The following DENND1B variants were observed in gnomAD, a reference collection of about 807,000 sequenced individuals.
DENND1B encodes the protein DENN domain-containing protein 1B.
Under a neutral mutation model 90.1 loss-of-function variants are expected in DENND1B, and 59 were observed. The observed-to-expected ratio is 0.65, with a 90% CI of 0.53 to 0.81. The LOEUF is 0.81. Among genes scored for constraint, DENND1B ranks in the 40% least tolerant of loss-of-function variants. DENND1B has a pLI of 0.00. For synonymous variants in DENND1B, 337 were observed against 324.6 expected, an observed-to-expected ratio of 1.04 and a Z score of -0.41; for missense variants, 862 against 912.6, an observed-to-expected ratio of 0.94 and a Z score of 0.71.
At chr1:197,743,562 A>G (rs770219965) in intron 2 of DENND1B, among the ~76,000 whole-genome samples, 8 of 152,168 alleles carry the variant, frequency 5.3e-5, no homozygotes, top group Non-Finnish European at 1.0e-4. Flanking sequence ...TGGCTGTGGA[A>G]TTTCTTAAAA....
chr1:197,575,858 C>T (rs1558261089), intron 15 of DENND1B, among the ~76,000 whole-genome samples: 1 of 152,192 alleles, frequency 6.6e-6, no homozygotes. Context: ...TGCATGTTCT[C>T]ACTCATAGGT....
intron 2 of DENND1B, among the ~76,000 whole-genome samples, chr1:197,764,393 C>T (rs1389984588): frequency 4.6e-5 from 7 of 152,144 alleles, no homozygotes; most frequent in Non-Finnish European, 1.0e-4. Flanking sequence ...GAAGCCTAAT[C>T]AGAGAAAATA....
At chr1:197,575,680 C>T (rs924261179) in intron 15 of DENND1B, among the ~76,000 whole-genome samples, 1 of 152,186 alleles carries the variant, frequency 6.6e-6, no homozygotes, top group African/African-American at 2.4e-5. Flanking sequence ...TTGGAAACAA[C>T]CCAAATGTCC....
chr1:197,538,656 ATTTTTTT>A (rs67761711), intron 20 of DENND1B, among the ~76,000 whole-genome samples: 15 of 105,870 alleles, frequency 1.4e-4, no homozygotes, highest in Admixed American at 6.9e-4. Flanking sequence ...AATTAATGGG[ATTTTTTT>A]TTTTTTTTTT....
At chr1:197,608,717 T>C (rs545259533) in intron 12 of DENND1B, among the ~76,000 whole-genome samples, 6 of 150,704 alleles carry the variant, frequency 4.0e-5, no homozygotes, top group East Asian at 2.0e-4. Flanking sequence ...GATAAAGCTA[T>C]GTGCCCCCAA....
At chr1:197,544,901 GAAAGAAGAAGAAAAGAAGAAGAAAA>G (rs1171877668) in intron 18 of DENND1B, among the ~76,000 whole-genome samples, 27 of 143,794 alleles carry the variant, frequency 1.9e-4, no homozygotes, top group African/African-American at 2.5e-4. Flanking sequence ...AGAAGAAGAA[GAAAGAAGAAGAAAAGAAGAAGAAAA>G]GAGAAGAAGA....
At chr1:197,775,619 A>AC (rs1657221838), upstream of DENND1B, 1 of 153,696 alleles carries the variant, frequency 6.5e-6, no homozygotes, top group South Asian at 2.1e-4. Context: ...CAGAGGGTGC[A>AC]GGGGGAGCGC....
At chr1:197,552,333 T>G in intron 16 of DENND1B, 1 of 985,324 alleles carries the variant, frequency 1.0e-6, no homozygotes, top group Non-Finnish European at 1.2e-6. Flanking sequence ...ACTCAGCAAA[T>G]AATGAATGAA....
chr1:197,625,815 G>C (rs1678648901), intron 10 of DENND1B, among the ~76,000 whole-genome samples: 1 of 152,054 alleles, frequency 6.6e-6, no homozygotes, highest in African/African-American at 2.4e-5. Flanking sequence ...CAAAATAAAA[G>C]GATGGAGGAA....
At chr1:197,709,775 C>G (rs1414070472) in intron 3 of DENND1B, among the ~76,000 whole-genome samples, 1 of 133,602 alleles carries the variant, frequency 7.5e-6, no homozygotes, top group Non-Finnish European at 1.6e-5. Context: ...TTAAAAGACA[C>G]AGACTGGCAA....
intron 14 of DENND1B, among the ~76,000 whole-genome samples, chr1:197,589,106 AT>A (rs1674962951): frequency 1.3e-5 from 2 of 152,136 alleles, no homozygotes; most frequent in Admixed American, 6.5e-5. Flanking sequence ...GAAAAAATTA[AT>A]AGATTGTGCA....
At chr1:197,511,203 T>C (rs1398913853) in intron 22 of DENND1B, among the ~76,000 whole-genome samples, 3 of 151,784 alleles carry the variant, frequency 2.0e-5, no homozygotes, top group Non-Finnish European at 4.4e-5. Flanking sequence ...AACTAGATTA[T>C]ATAATTAATG....
chr1:197,561,474 TTTC>T (rs1276282853), intron 15 of DENND1B, among the ~76,000 whole-genome samples: 2 of 151,868 alleles, frequency 1.3e-5, no homozygotes, highest in African/African-American at 4.8e-5. Context: ...CTTATACTAC[TTTC>T]TTATCATTTC....
chr1:197,567,063 GA>G (rs1346159785), intron 15 of DENND1B, among the ~76,000 whole-genome samples: 1 of 151,826 alleles, frequency 6.6e-6, no homozygotes, highest in Non-Finnish European at 1.5e-5. Context: ...CAATAGAAAC[GA>G]TCAATGAAAC....
intron 22 of DENND1B, 104 bp downstream of exon 22, chr1:197,511,624 T>TA: frequency 1.3e-6 from 1 of 768,866 alleles, no homozygotes; most frequent in Non-Finnish European, 1.9e-6. Context: ...CTTACCTACT[T>TA]AGAGGTTAAA....
intron 11 of DENND1B, among the ~76,000 whole-genome samples, chr1:197,617,325 G>C (rs567016653): frequency 6.6e-6 from 1 of 151,024 alleles, no homozygotes; most frequent in South Asian, 2.1e-4. Flanking sequence ...CTGACACCTG[G>C]GATACTGGGT....
chr1:197,546,199 C>A (rs1425351061), intron 17 of DENND1B, among the ~76,000 whole-genome samples: 1 of 152,114 alleles, frequency 6.6e-6, no homozygotes, highest in Non-Finnish European at 1.5e-5. Flanking sequence ...CCACCTTGTT[C>A]TTTAGTTGAT....
At chr1:197,724,669 T>C (rs189479476) in intron 2 of DENND1B, among the ~76,000 whole-genome samples, 6 of 152,260 alleles carry the variant, frequency 3.9e-5, no homozygotes, top group Non-Finnish European at 7.4e-5. Context: ...CTAATTTTTT[T>C]TGTTCCTCCC....
chr1:197,576,571 T>A (rs1332559785), intron 15 of DENND1B, among the ~76,000 whole-genome samples: 1 of 152,194 alleles, frequency 6.6e-6, no homozygotes, highest in Non-Finnish European at 1.5e-5. Flanking sequence ...TGTTTTCACT[T>A]TAAAATAAAC....
Sources: gnomAD v4.1 joint callset for allele counts (sites outside exome capture counted in the v4.1 genomes callset) on GRCh38, gnomAD v4.1.1 for gene constraint, MANE v1.5 for transcripts, NCBI Gene and HGNC (gene_info 2026-07-23, HGNC 2026-07-21) for gene names.